TENM2: variants seen among roughly 807,000 people sequenced by gnomAD.
The protein encoded by TENM2 is teneurin transmembrane protein 2, also known as teneurin-2.
In TENM2, 52 loss-of-function variants were observed where a neutral mutation model predicts 245.2. The ratio of observed to expected loss-of-function variants is 0.21; its 90% CI spans 0.17 to 0.27. The LOEUF (loss-of-function observed/expected upper bound fraction) is 0.27, where lower values mean the gene tolerates loss of function less well. Among genes scored for constraint, TENM2 ranks in the 10% least tolerant of loss-of-function variants. The probability of loss-of-function intolerance (pLI) is 1.00; values close to 1 mark genes in which losing one functional copy is unlikely to be tolerated. For synonymous variants in TENM2, 1,363 were observed against 1,438.9 expected, an observed-to-expected ratio of 0.95 and a Z score of 1.19; for missense variants, 3,046 against 3,666.8, an observed-to-expected ratio of 0.83 and a Z score of 4.37.
chr5:167,323,523 T>G (rs550407517), intron 1 of TENM2, among the ~76,000 whole-genome samples: 1 of 152,264 alleles, frequency 6.6e-6, no homozygotes, highest in Non-Finnish European at 1.5e-5. Flanking sequence ...CCTCTGAGTT[T>G]TTTGTTATAT....
At chr5:167,785,022 G>A (rs959498406) in intron 2 of TENM2, among the ~76,000 whole-genome samples, 3 of 151,584 alleles carry the variant, frequency 2.0e-5, no homozygotes, top group Admixed American at 2.0e-4. Flanking sequence ...CTTCATTAAT[G>A]CAGCCCTGCA....
intron 2 of TENM2, among the ~76,000 whole-genome samples, chr5:167,836,684 T>C (rs189222678): frequency 6.6e-6 from 1 of 152,146 alleles, no homozygotes; most frequent in South Asian, 2.1e-4. Context: ...GTTCATGTAC[T>C]ATAGGACTCA....
chr5:167,010,831 G>GA, the TENM2 span, among the ~76,000 whole-genome samples: 1 of 152,108 alleles, frequency 6.6e-6, no homozygotes, highest in African/African-American at 2.4e-5. Context: ...CAGTTTCTTG[G>GA]ACGAGTGATA....
At chr5:167,443,019 T>C (rs1490889337) in intron 2 of TENM2, among the ~76,000 whole-genome samples, 1 of 152,194 alleles carries the variant, frequency 6.6e-6, no homozygotes, top group Non-Finnish European at 1.5e-5. Flanking sequence ...AAAATGAAGT[T>C]GCAGTGTGTA....
intron 27 of TENM2, among the ~76,000 whole-genome samples, chr5:168,250,214 G>A (rs116501992): frequency 6.6e-6 from 1 of 152,110 alleles, no homozygotes; most frequent in South Asian, 2.1e-4. Context: ...GTGGATGGGT[G>A]GGTGAATGGA....
rs116832398 is a variant in TENM2, at chr5:167,400,511, A to G, written c.502+25038A>G. On this transcript the variant is annotated intron_variant, in intron 2 of 28. Transcript: ENST00000518659. ...ATATTTTCTTGGGCTTCTGATGAGG[A>G]TGTGGAAATAGGCACTTGGAAATGT... Among the ~76,000 whole-genome samples, 491 of 152,242 alleles carry G rather than the reference A, an allele frequency of 3.2e-3. 3 individuals carry two copies. The highest frequency in any genetic ancestry group is 0.011 in the African/African-American group (457 of 41,534).
At chr5:167,870,065 G>A (rs1772682311) in intron 2 of TENM2, among the ~76,000 whole-genome samples, 1 of 152,164 alleles carries the variant, frequency 6.6e-6, no homozygotes, top group South Asian at 2.1e-4. Context: ...AAATCCTCTT[G>A]CTTAAATGTA....
At chr5:167,305,410 C>T (rs745688427) in intron 1 of TENM2, among the ~76,000 whole-genome samples, 10 of 152,156 alleles carry the variant, frequency 6.6e-5, no homozygotes, top group South Asian at 2.1e-4. Context: ...CAGTGGCTAA[C>T]GAAAACAGTA....
At position 167,387,849 on chromosome 5, in the gene TENM2, T is replaced by C. The variant is rs552612949; in HGVS notation, c.502+12376T>C. On this transcript the variant is annotated intron_variant, in intron 2 of 28. Transcript: ENST00000518659. The stretch of plus-strand genomic sequence containing the variant: ...TGACTTGCATCTGTTAAACCATCTC[T>C]GAATCCCTGGTATGAAACCCACTGG... Among the ~76,000 whole-genome samples, 145 of 152,332 alleles carry C rather than the reference T, an allele frequency of 9.5e-4. 2 individuals carry two copies. Among genetic ancestry groups the C allele is most frequent in the African/African-American group, 3.2e-3 (133 of 41,586 alleles).
chr5:167,092,841 C>G, the TENM2 span, among the ~76,000 whole-genome samples: 3 of 152,152 alleles, frequency 2.0e-5, no homozygotes, highest in Non-Finnish European at 2.9e-5. Context: ...ATAAGCAGAC[C>G]TTTCCCCAGT....
At chr5:167,503,895 A>G (rs1302675936) in intron 2 of TENM2, among the ~76,000 whole-genome samples, 1 of 152,158 alleles carries the variant, frequency 6.6e-6, no homozygotes, top group East Asian at 1.9e-4. Context: ...CTCTGTCTCA[A>G]AAACTAAAAC....
chr5:167,584,030 C>T (rs1775300439), intron 2 of TENM2, among the ~76,000 whole-genome samples: 1 of 152,206 alleles, frequency 6.6e-6, no homozygotes, highest in African/African-American at 2.4e-5. Flanking sequence ...TAACAATGCA[C>T]TCACCTTATT....
intron 2 of TENM2, among the ~76,000 whole-genome samples, chr5:167,521,371 A>G (rs1399981210): frequency 1.3e-5 from 2 of 152,176 alleles, no homozygotes; most frequent in Non-Finnish European, 2.9e-5. Context: ...AAAGATATAA[A>G]ATGAGATTCA....
intron 2 of TENM2, among the ~76,000 whole-genome samples, chr5:167,842,606 AAAAG>A (rs1769647021): frequency 7.0e-6 from 1 of 142,694 alleles, no homozygotes; most frequent in Non-Finnish European, 1.5e-5. Flanking sequence ...AAAAAAAAAA[AAAAG>A]AACCCTTTTA....
the TENM2 span, among the ~76,000 whole-genome samples, chr5:167,165,942 A>G: frequency 6.6e-6 from 1 of 152,176 alleles, no homozygotes; most frequent in Non-Finnish European, 1.5e-5. Context: ...CCAGAATTCT[A>G]GATTGCTTCT....
At chr5:167,882,917 T>C (rs886326685) in intron 3 of TENM2, among the ~76,000 whole-genome samples, 10 of 152,212 alleles carry the variant, frequency 6.6e-5, no homozygotes, top group Non-Finnish European at 1.0e-4. Flanking sequence ...AGCTTTCTTC[T>C]TGTTCTAGTA....
chr5:167,782,313 CAAAAA>C (rs767675565), intron 2 of TENM2, among the ~76,000 whole-genome samples: 1,530 of 58,692 alleles, frequency 0.026, 27 homozygotes, highest in African/African-American at 0.092. Flanking sequence ...AACTCTGTCT[CAAAAA>C]AAAAAAAAAA....
At chr5:168,076,628 C>T (rs376372859) in intron 7 of TENM2, among the ~76,000 whole-genome samples, 1 of 152,210 alleles carries the variant, frequency 6.6e-6, no homozygotes, top group African/African-American at 2.4e-5. Context: ...GTATCATTCA[C>T]TGCTGTATCC....
At chr5:168,104,723 G>A (rs1236462881) in intron 9 of TENM2, among the ~76,000 whole-genome samples, 4 of 152,158 alleles carry the variant, frequency 2.6e-5, no homozygotes, top group Non-Finnish European at 5.9e-5. Flanking sequence ...CAGTCAGCAT[G>A]CGTTTGCAAG....
Sources: allele counts gnomAD v4.1 joint callset (sites outside exome capture counted in the v4.1 genomes callset), GRCh38; gene constraint gnomAD v4.1.1; transcripts MANE v1.5; gene names NCBI Gene and HGNC (gene_info 2026-07-23, HGNC 2026-07-21).